TOX2: variants seen among roughly 807,000 people sequenced by gnomAD.
TOX2 encodes the protein granulosa cell HMG box 1.
Under a neutral mutation model 47.4 loss-of-function variants are expected in TOX2, and 15 were observed. The ratio of observed to expected loss-of-function variants is 0.32; its 90% CI spans 0.21 to 0.49. The LOEUF (loss-of-function observed/expected upper bound fraction) is 0.49. Among genes scored for constraint, TOX2 ranks in the 20% least tolerant of loss-of-function variants. TOX2 has a pLI of 0.99. For missense variants in TOX2, 622 were observed against 673.1 expected, an observed-to-expected ratio of 0.92 and a Z score of 0.84; for synonymous variants, 290 against 296.6, an observed-to-expected ratio of 0.98 and a Z score of 0.23.
In TOX2 at chr20:43,915,099, G is replaced by A. The variant is rs2069041444; in HGVS notation, c.99+109G>A. On this transcript the variant is annotated intron_variant, in intron 1 of 8. Transcript: ENST00000341197. This position sits in a 1 kb window ranked among gnomAD's most constrained non-coding sequence, Gnocchi z 7.1. ...CGGGGCCGCGCACATCAGCCCCGCCGACGGGCACGGGCGGCTCACATCGAT... is the reference window on the plus strand; with the variant it reads ...CGGGGCCGCGCACATCAGCCCCGCCAACGGGCACGGGCGGCTCACATCGAT... 2 of 552,528 alleles carry A rather than the reference G, an allele frequency of 3.6e-6. No individual in the cohort carries two copies. Among genetic ancestry groups the A allele is most frequent in the Non-Finnish European group, 4.8e-6 (2 of 416,918 alleles). The allele number at this position is 552,528 out of a possible 1,614,324, so 34.2% of individuals were successfully genotyped here. A position where few individuals can be genotyped will look rare whatever the true frequency, so the allele number is the denominator to read the frequency against.
chr20:44,065,262 G>A (rs533816648), intron 6 of TOX2, among the ~76,000 whole-genome samples: 2 of 152,204 alleles, frequency 1.3e-5, no homozygotes, highest in Non-Finnish European at 2.9e-5. Context: ...CACCAGCAAC[G>A]TAGGAAGCTA....
At chr20:44,020,136 G>C (rs961308023) in intron 3 of TOX2, among the ~76,000 whole-genome samples, 1 of 152,216 alleles carries the variant, frequency 6.6e-6, no homozygotes, top group African/African-American at 2.4e-5. Flanking sequence ...CATTAGAGAT[G>C]CTATCTGGAG....
In TOX2 at chr20:44,062,284, A is replaced by G. The variant is rs573091824; in HGVS notation, c.880-2493A>G. Reference sequence around the variant, plus strand: ...AGCAAAGTTTCAAGATACAAAATTAATGTACACAAATCAATAGATCTGCTA... The same window carrying G: ...AGCAAAGTTTCAAGATACAAAATTAGTGTACACAAATCAATAGATCTGCTA... On this transcript the variant is annotated intron_variant, in intron 5 of 8. Coordinates refer to ENST00000341197, the MANE Select transcript of TOX2 (RefSeq NM_001098797.2). Among the ~76,000 whole-genome samples, 4 of 152,244 alleles carry G rather than the reference A, an allele frequency of 2.6e-5. No homozygotes were observed. In the South Asian group the frequency reaches 8.3e-4, roughly 32 times the overall value.
At chr20:43,965,060 T>C (rs541175884) in intron 1 of TOX2, among the ~76,000 whole-genome samples, 1 of 152,300 alleles carries the variant, frequency 6.6e-6, no homozygotes, top group South Asian at 2.1e-4. Flanking sequence ...GCTGAATTCA[T>C]TGGTATACTT....
chr20:43,981,733 A>G (rs1180374901), intron 2 of TOX2, among the ~76,000 whole-genome samples: 2 of 152,212 alleles, frequency 1.3e-5, no homozygotes, highest in Non-Finnish European at 2.9e-5. Flanking sequence ...CAGTCATCTT[A>G]GCGAAAAGGA....
At chr20:43,920,806 G>T (rs573014697) in intron 1 of TOX2, among the ~76,000 whole-genome samples, 3 of 152,308 alleles carry the variant, frequency 2.0e-5, no homozygotes, top group African/African-American at 7.2e-5. Flanking sequence ...TGAAATAAAG[G>T]CTGGGAATGT....
At chr20:43,951,427 A>G (rs191524018) in intron 1 of TOX2, among the ~76,000 whole-genome samples, 2,119 of 152,050 alleles carry the variant, frequency 0.014, 22 homozygotes, top group Non-Finnish European at 0.02. Context: ...ATACAAAAAA[A>G]TTAGCCGGGT....
intron 3 of TOX2, among the ~76,000 whole-genome samples, chr20:44,049,452 A>G (rs552073186): frequency 7.4e-4 from 112 of 152,348 alleles, no homozygotes; most frequent in African/African-American, 2.6e-3. Flanking sequence ...AAGAAAAAGA[A>G]AATTAGCCAC....
intron 1 of TOX2, among the ~76,000 whole-genome samples, chr20:43,932,251 C>T (rs2069261033): frequency 6.6e-6 from 1 of 152,222 alleles, no homozygotes; most frequent in African/African-American, 2.4e-5. Context: ...CCTCCTGGCA[C>T]AGCTTATTAC....
chr20:44,005,278 G>A (rs2070657701), intron 2 of TOX2, among the ~76,000 whole-genome samples: 1 of 152,114 alleles, frequency 6.6e-6, no homozygotes, highest in Non-Finnish European at 1.5e-5. Flanking sequence ...CTCTTACTCT[G>A]TCCGCTGTGC....
intron 1 of TOX2, among the ~76,000 whole-genome samples, chr20:43,943,048 T>C (rs1244417299): frequency 1.3e-5 from 2 of 152,144 alleles, no homozygotes; most frequent in Non-Finnish European, 2.9e-5. Context: ...GCACTGCACC[T>C]GGAATCCGGT....
chr20:44,019,591 G>A (rs2070945178), intron 3 of TOX2, among the ~76,000 whole-genome samples: 1 of 152,166 alleles, frequency 6.6e-6, no homozygotes, highest in South Asian at 2.1e-4. Context: ...TGGTAGCAAG[G>A]AAAAAGGGAA....
chr20:43,927,625 C>CTTTCT (rs146262327), intron 1 of TOX2, among the ~76,000 whole-genome samples: 34 of 81,370 alleles, frequency 4.2e-4, no homozygotes, highest in African/African-American at 2.0e-3. Flanking sequence ...TCCTTCCTTC[C>CTTTCT]TCCTTCCTTC....
chr20:43,999,126 G>A (rs1224299631), intron 2 of TOX2, among the ~76,000 whole-genome samples: 1 of 152,054 alleles, frequency 6.6e-6, no homozygotes, highest in Non-Finnish European at 1.5e-5. Context: ...ACCATATGCT[G>A]TATGTATTTT....
intron 1 of TOX2, among the ~76,000 whole-genome samples, chr20:43,953,163 C>T (rs1476333830): frequency 6.6e-6 from 1 of 152,116 alleles, no homozygotes; most frequent in Non-Finnish European, 1.5e-5. Flanking sequence ...ACCAGCCAGC[C>T]CTGATGACAC....
At chr20:43,942,776 TA>T (rs1364318423) in intron 1 of TOX2, among the ~76,000 whole-genome samples, 25 of 152,122 alleles carry the variant, frequency 1.6e-4, no homozygotes, top group African/African-American at 4.8e-5. Flanking sequence ...AGAGAAGCAT[TA>T]AAACTGAAAG....
intron 3 of TOX2, among the ~76,000 whole-genome samples, chr20:44,039,860 G>A (rs2071303353): frequency 6.6e-6 from 1 of 152,202 alleles, no homozygotes; most frequent in South Asian, 2.1e-4. Flanking sequence ...CTTCCAGGCT[G>A]TTTGGGGCAC....
chr20:43,945,849 G>C, intron 1 of TOX2: 2 of 1,596,574 alleles, frequency 1.3e-6, no homozygotes, highest in Non-Finnish European at 1.7e-6. Flanking sequence ...AGAGGACCAA[G>C]AGTTGTCAGG....
At chr20:43,918,492 G>A (rs1252412628) in intron 1 of TOX2, among the ~76,000 whole-genome samples, 1 of 152,140 alleles carries the variant, frequency 6.6e-6, no homozygotes, top group Non-Finnish European at 1.5e-5. Context: ...CCCACCTCCA[G>A]AGGCAACTAC....
Sources: gnomAD v4.1 joint callset for allele counts (sites outside exome capture counted in the v4.1 genomes callset) on GRCh38, gnomAD v4.1.1 for gene constraint, Gnocchi (gnomAD v3.1) non-coding constraint, MANE v1.5 for transcripts, NCBI Gene and HGNC (gene_info 2026-07-23, HGNC 2026-07-21) for gene names.